Variants in PRH1 observed in about 807,000 individuals in gnomAD.
The protein encoded by PRH1 is proline rich protein HaeIII subfamily 1, also known as salivary acidic proline-rich phosphoprotein 1/2.
In PRH1, 7 loss-of-function variants were observed where a neutral mutation model predicts 7.9. The observed-to-expected ratio is 0.89, with a 90% CI of 0.50 to 1.67. The LOEUF is 1.67. PRH1 is among the 40% of genes most tolerant of loss of function. PRH1 has a pLI of 0.00. For missense variants in PRH1, 109 were observed against 223.6 expected (o/e 0.49, Z 3.27); for synonymous variants, 45 against 80.8 (o/e 0.56, Z 2.38).
At chr12:11,165,246 T>A (rs558701461) in intron 1 of PRH1, among the ~76,000 whole-genome samples, 1 of 152,172 alleles carries the variant, frequency 6.6e-6, no homozygotes, top group Non-Finnish European at 1.5e-5. Flanking sequence ...AGGATTCTAG[T>A]TGCCCCCTAT....
At chr12:11,099,280 C>T (rs1012457767) in intron 1 of PRH1, among the ~76,000 whole-genome samples, 7 of 152,208 alleles carry the variant, frequency 4.6e-5, no homozygotes, top group South Asian at 2.1e-4. Context: ...AATATCGCCT[C>T]GCAAGTACAC....
chr12:10,920,393 T>G (rs2135846202), intron 2 of PRH1, among the ~76,000 whole-genome samples: 1 of 152,318 alleles, frequency 6.6e-6, no homozygotes, highest in Non-Finnish European at 1.5e-5. Flanking sequence ...CTTTGAAAAT[T>G]AATTTTTGCA....
intron 1 of PRH1, among the ~76,000 whole-genome samples, chr12:11,023,720 C>A (rs1941772298): frequency 6.6e-6 from 1 of 152,182 alleles, no homozygotes; most frequent in South Asian, 2.1e-4. Context: ...GAAAGAGAAA[C>A]TAATGGAGTC....
intron 1 of PRH1, among the ~76,000 whole-genome samples, chr12:11,104,402 A>G (rs2597965): frequency 0.46 from 69,094 of 151,756 alleles, 16,536 homozygotes; most frequent in Non-Finnish European, 0.53. Flanking sequence ...ACTTTACGTC[A>G]ATGAGATTAC....
chr12:11,031,636 T>C (rs933651694), intron 1 of PRH1, among the ~76,000 whole-genome samples: 4 of 152,286 alleles, frequency 2.6e-5, no homozygotes, highest in Admixed American at 6.5e-5. Flanking sequence ...TTTTGTCCTA[T>C]CAGAGTGCCC....
intron 1 of PRH1, among the ~76,000 whole-genome samples, chr12:11,098,906 A>G (rs906790539): frequency 6.6e-5 from 10 of 152,224 alleles, no homozygotes; most frequent in African/African-American, 2.4e-4. Flanking sequence ...TGAGTTTCCA[A>G]GAAGTTGTCC....
intron 1 of PRH1, among the ~76,000 whole-genome samples, chr12:11,162,212 C>G (rs1040857966): frequency 6.6e-6 from 1 of 152,134 alleles, no homozygotes; most frequent in Non-Finnish European, 1.5e-5. Flanking sequence ...AGAGTCCAGA[C>G]ACAGGGACTA....
chr12:10,990,403 G>A (rs1289406050), intron 1 of PRH1, among the ~76,000 whole-genome samples: 1 of 152,138 alleles, frequency 6.6e-6, no homozygotes, highest in African/African-American at 2.4e-5. Context: ...GAGAAGAAGG[G>A]ACACAAGTAC....
intron 1 of PRH1, among the ~76,000 whole-genome samples, chr12:10,981,365 A>ATTTTTT (rs528019045): frequency 9.0e-6 from 1 of 111,592 alleles, no homozygotes; most frequent in Non-Finnish European, 1.8e-5. Context: ...TTACTTCTGG[A>ATTTTTT]TTTTTTTTTT....
At chr12:11,035,429 T>C (rs1416232265) in intron 1 of PRH1, among the ~76,000 whole-genome samples, 4 of 152,218 alleles carry the variant, frequency 2.6e-5, no homozygotes, top group African/African-American at 9.6e-5. Flanking sequence ...TTTAACTCTA[T>C]TGGATTCTCA....
chr12:10,922,036 C>T (rs920708733), intron 2 of PRH1, among the ~76,000 whole-genome samples: 3 of 152,124 alleles, frequency 2.0e-5, no homozygotes, highest in South Asian at 2.1e-4. Flanking sequence ...TCCCAATGTT[C>T]GGGGATTACA....
downstream of PRH1, among the ~76,000 whole-genome samples, chr12:11,119,693 C>T (rs1272299591): frequency 6.6e-6 from 1 of 152,024 alleles, no homozygotes; most frequent in Non-Finnish European, 1.5e-5. Context: ...AAACTGAATA[C>T]AAATTATGAA....
chr12:10,890,704 C>T (rs976945143), intron 2 of PRH1, among the ~76,000 whole-genome samples: 3 of 151,514 alleles, frequency 2.0e-5, no homozygotes, highest in Middle Eastern at 3.2e-3. Flanking sequence ...TGAGACTCCT[C>T]TGTCTTTACA....
chr12:10,903,931 C>CAAAA (rs546066515), intron 2 of PRH1, among the ~76,000 whole-genome samples: 263 of 31,040 alleles, frequency 8.5e-3, no homozygotes, highest in African/African-American at 0.015. Flanking sequence ...ACAATAGCCT[C>CAAAA]AAAAAAAAAA....
intron 1 of PRH1, among the ~76,000 whole-genome samples, chr12:11,059,199 G>A (rs1943487742): frequency 6.6e-6 from 1 of 152,174 alleles, no homozygotes; most frequent in African/African-American, 2.4e-5. Flanking sequence ...GCCGGCTGTG[G>A]TTTCCCCTTG....
At chr12:11,018,549 C>A (rs1204984654) in intron 1 of PRH1, among the ~76,000 whole-genome samples, 1 of 97,368 alleles carries the variant, frequency 1.0e-5, no homozygotes, top group Non-Finnish European at 2.5e-5. Context: ...TAGTTGCTCA[C>A]TTCATGTAAA....
At chr12:10,996,068 G>C (rs1333388892) in intron 1 of PRH1, among the ~76,000 whole-genome samples, 1 of 151,780 alleles carries the variant, frequency 6.6e-6, no homozygotes, top group Non-Finnish European at 1.5e-5. Context: ...TATAATCCCA[G>C]CACTTTGGGA....
chr12:11,065,474 T>TA (rs1266610451), intron 1 of PRH1, among the ~76,000 whole-genome samples: 1 of 152,178 alleles, frequency 6.6e-6, no homozygotes, highest in East Asian at 1.9e-4. Context: ...TCTGACCCTC[T>TA]AGCCTTATAT....
At chr12:11,167,986 T>C (rs1172643537) in intron 1 of PRH1, among the ~76,000 whole-genome samples, 1 of 152,050 alleles carries the variant, frequency 6.6e-6, no homozygotes, top group Admixed American at 6.5e-5. Context: ...TATGCACCTA[T>C]GAAATCTGGC....
Sources: allele counts gnomAD v4.1 joint callset (sites outside exome capture counted in the v4.1 genomes callset), GRCh38; gene constraint gnomAD v4.1.1; transcripts MANE v1.5; gene names NCBI Gene and HGNC (gene_info 2026-07-23, HGNC 2026-07-21).